SLFN11: variants seen among roughly 807,000 people sequenced by gnomAD.
The protein encoded by SLFN11 is schlafen family member 11.
Under a neutral mutation model 53.4 loss-of-function variants are expected in SLFN11, and 43 were observed. That is an observed-to-expected ratio of 0.80 (90% CI 0.63 to 1.04). The LOEUF (loss-of-function observed/expected upper bound fraction) is 1.04, where lower values mean the gene tolerates loss of function less well. Among genes scored for constraint, SLFN11 ranks in the 50% least tolerant of loss-of-function variants. SLFN11 has a pLI of 0.00. For synonymous variants in SLFN11, 389 were observed against 394.7 expected, an observed-to-expected ratio of 0.99 and a Z score of 0.17; for missense variants, 990 against 1,079.1, an observed-to-expected ratio of 0.92 and a Z score of 1.16.
chr17:35,364,030 G>C (rs1372157981), intron 3 of SLFN11, among the ~76,000 whole-genome samples: 1 of 152,032 alleles, frequency 6.6e-6, no homozygotes, highest in Non-Finnish European at 1.5e-5. Context: ...GCTATGAGAG[G>C]AAAAATATAC....
chr17:35,371,664 G>C (rs1049040607), intron 1 of SLFN11, among the ~76,000 whole-genome samples: 9 of 152,070 alleles, frequency 5.9e-5, no homozygotes, highest in Non-Finnish European at 1.0e-4. Context: ...ATGGGCAAAA[G>C]ATTTGAATAG....
chr17:35,357,850 AATT>A (rs908528655), intron 5 of SLFN11, among the ~76,000 whole-genome samples: 11 of 145,364 alleles, frequency 7.6e-5, no homozygotes, highest in South Asian at 2.1e-4. Context: ...AAAAATATAT[AATT>A]ATTTATATAA....
chr17:35,365,671 G>A (rs775415210), intron 3 of SLFN11, among the ~76,000 whole-genome samples: 1 of 151,734 alleles, frequency 6.6e-6, no homozygotes, highest in Non-Finnish European at 1.5e-5. Flanking sequence ...ATTTGACATG[G>A]GAAACAAACA....
chr17:35,360,967 C>T (rs1747417885), intron 4 of SLFN11, among the ~76,000 whole-genome samples: 1 of 152,124 alleles, frequency 6.6e-6, no homozygotes, highest in East Asian at 1.9e-4. Flanking sequence ...GACACCTATG[C>T]TTATTCCTGA....
rs572710418 is a variant in SLFN11 at position 35,351,785 on chromosome 17, T to A, written c.*571A>T. 1 of 153,372 alleles carries A rather than the reference T, an allele frequency of 6.5e-6. No homozygotes were observed. The highest frequency in any genetic ancestry group is 2.1e-4 in the South Asian group (1 of 4,866). The allele number at this position is 153,372 out of a possible 1,614,324, so 9.5% of individuals were successfully genotyped here. A position where few individuals can be genotyped will look rare whatever the true frequency, so the allele number is the denominator to read the frequency against. On this transcript the variant is annotated 3_prime_UTR_variant, in exon 7 of 7. Transcript: ENST00000685675. ...ACAATTTTAAAGGATTAAATAATCA[T>A]AACGGTATTCTTTGTCCTGACAAAA...
rs779575172 is a variant in SLFN11 at position 35,360,381 on chromosome 17, G to A, written c.1070-10C>T. 6.3e-7 allele frequency: 1 copy of A among 1,593,682 alleles called. No individual in the cohort carries two copies. Among genetic ancestry groups the A allele is most frequent in the Middle Eastern group, 1.7e-4 (1 of 6,000 alleles). On this transcript the variant is annotated splice_polypyrimidine_tract_variant and intron_variant, in intron 4 of 6. Transcript: ENST00000685675. The stretch of plus-strand genomic sequence containing the variant: ...GACAACTGTAGAAGATCTTAAGAAA[G>A]AAAATTCATGTTATTCTGACGTGTT...
chr17:35,363,849 A>G, intron 3 of SLFN11, 23 bp from the exon 4 acceptor site: 10 of 1,468,968 alleles, frequency 6.8e-6, no homozygotes, highest in Non-Finnish European at 9.2e-6. Context: ...ATGAAGTGTT[A>G]CATGCATGCA....
At chr17:35,360,402 G>C (rs185636002) in intron 4 of SLFN11, 31 bp from the exon 5 acceptor site, 10 of 1,580,172 alleles carry the variant, frequency 6.3e-6, no homozygotes, top group Non-Finnish European at 8.6e-6. Context: ...TTATTCTGAC[G>C]TGTTAATCTC....
In SLFN11 at chr17:35,363,540, G is replaced by T; in HGVS notation, c.268C>A (p.Leu90Met). The T allele has an allele frequency of 6.2e-7, 1 of 1,614,080 alleles. No individual in the cohort carries two copies. The change falls in exon 4 of 7, where the codon CTG (leucine) becomes ATG (methionine). Residue 90 changes from leucine (L) to methionine (M), a missense_variant. Coordinates refer to ENST00000685675, the MANE Select transcript of SLFN11 (RefSeq NM_001376007.1). ...SLRELIQSSD[L>M]QAFFETKQQG... ...TGCTTGGTCTCAAAGAAAGCCTGCAGATCTGAAGACTGAATAAGCTCTCTC... is the reference window on the plus strand; with the variant it reads ...TGCTTGGTCTCAAAGAAAGCCTGCATATCTGAAGACTGAATAAGCTCTCTC...
At chr17:35,363,899 G>T (rs1343580352) in intron 3 of SLFN11, 73 bp from the exon 4 acceptor site, 3 of 1,220,936 alleles carry the variant, frequency 2.5e-6, no homozygotes, top group Non-Finnish European at 3.4e-6. Flanking sequence ...TGTCTAATAT[G>T]TGCTGAGAGA....
chr17:35,360,261 G>A lies in SLFN11; in HGVS notation c.1180C>T (p.Gln394Ter). 6.2e-7 allele frequency: 1 copy of A among 1,610,692 alleles called. No individual in the cohort carries two copies. Among genetic ancestry groups the A allele is most frequent in the Non-Finnish European group, 8.5e-7 (1 of 1,179,002 alleles). Reference sequence around the variant, plus strand: ...TAATTACCTGAAAATAAAAGTTGCTGGAGTTCCTTTTTATGTTCCAGGCCT... The same window carrying A: ...TAATTACCTGAAAATAAAAGTTGCTAGAGTTCCTTTTTATGTTCCAGGCCT... ...KKGLEHKKEL[Q>*]QLLFSVPPGY... The change falls in exon 5 of 7, where the codon CAG (glutamine) becomes TAG (stop). Residue 394 changes from glutamine (Q) to a stop codon, truncating the protein, a stop_gained. Coordinates refer to ENST00000685675, the MANE Select transcript of SLFN11 (RefSeq NM_001376007.1). LOFTEE classifies it high-confidence loss of function.
intron 2 of SLFN11, 93 bp from the exon 3 acceptor site, chr17:35,367,156 A>G (rs1477063104): frequency 6.6e-6 from 1 of 152,058 alleles, no homozygotes; most frequent in African/African-American, 2.4e-5. Flanking sequence ...CTATTTCTCA[A>G]AATTCCATTC....
chr17:35,361,569 C>T (rs1908223726), intron 4 of SLFN11, among the ~76,000 whole-genome samples: 1 of 152,000 alleles, frequency 6.6e-6, no homozygotes, highest in Admixed American at 6.5e-5. Context: ...TCAAGTGATC[C>T]TCCCACCACA....
chr17:35,358,197 C>G (rs890657199), intron 5 of SLFN11, among the ~76,000 whole-genome samples: 2 of 150,666 alleles, frequency 1.3e-5, no homozygotes, highest in Non-Finnish European at 3.0e-5. Context: ...CTTTTTGTTG[C>G]TATTGAAAAT....
chr17:35,371,144 T>C (rs1597729992), intron 1 of SLFN11, among the ~76,000 whole-genome samples: 1 of 152,000 alleles, frequency 6.6e-6, no homozygotes, highest in East Asian at 1.9e-4. Flanking sequence ...TGGAACAGAA[T>C]AGAGAACCCA....
Position 35,353,845 on chromosome 17 carries a change from A to G in SLFN11, c.1413T>C (p.Ile471=). The G allele has an allele frequency of 6.9e-6, 11 of 1,602,188 alleles. No homozygotes were observed. Among genetic ancestry groups the G allele is most frequent in the Non-Finnish European group, 8.5e-6 (10 of 1,173,014 alleles). The change falls in exon 6 of 7, where the codon ATT becomes ATC. Residue 471 remains isoleucine (I), a synonymous_variant. Coordinates refer to ENST00000685675, the MANE Select transcript of SLFN11 (RefSeq NM_001376007.1). ...ALLIAQNSTP[I]LYTILREQDA... ...CTTGCTCCCTGAGAATGGTGTAGAG[A>G]ATGGGGGTGCTGTTCTGTGCTATCA... is the stretch of plus-strand genomic sequence containing the variant.
chr17:35,365,846 C>T (rs943998619), intron 3 of SLFN11, among the ~76,000 whole-genome samples: 3 of 151,860 alleles, frequency 2.0e-5, no homozygotes, highest in African/African-American at 7.3e-5. Flanking sequence ...GTAATAAATA[C>T]GTTTATGTTT....
At chr17:35,371,599 TATC>T (rs1266075284) in intron 1 of SLFN11, among the ~76,000 whole-genome samples, 1 of 151,998 alleles carries the variant, frequency 6.6e-6, no homozygotes, top group Admixed American at 6.6e-5. Flanking sequence ...AACCAGAACA[TATC>T]AGGAGCTCCA....
At chr17:35,373,201 C>T (rs1311566513) in intron 1 of SLFN11, among the ~76,000 whole-genome samples, 2 of 151,990 alleles carry the variant, frequency 1.3e-5, no homozygotes, top group African/African-American at 4.8e-5. Context: ...GGGGCTCTTC[C>T]AACTTCCAGC....
Sources: allele counts gnomAD v4.1 joint callset (sites outside exome capture counted in the v4.1 genomes callset), GRCh38; gene constraint gnomAD v4.1.1; transcripts MANE v1.5; gene names NCBI Gene and HGNC (gene_info 2026-07-23, HGNC 2026-07-21).